CLVS2: variants seen among roughly 807,000 people sequenced by gnomAD.
The protein encoded by CLVS2 is clavesin-2.
CLVS2 carries 19 observed loss-of-function variants against 29.0 expected under a neutral mutation model. That is an observed-to-expected ratio of 0.66 (90% CI 0.46 to 0.96). CLVS2 has a LOEUF of 0.96. CLVS2 is among the 40% of genes least tolerant of loss of function. The probability of loss-of-function intolerance (pLI) is 0.00; values close to 1 mark genes in which losing one functional copy is unlikely to be tolerated. For missense variants in CLVS2, 294 were observed against 404.1 expected (o/e 0.73, Z 2.34); for synonymous variants, 161 against 151.3 (o/e 1.06, Z -0.47).
chr6:123,034,347 A>G (rs137979536), intron 3 of CLVS2, among the ~76,000 whole-genome samples: 1 of 152,196 alleles, frequency 6.6e-6, no homozygotes, highest in Non-Finnish European at 1.5e-5. Flanking sequence ...GCTGTAATAC[A>G]TTCATACCAT....
chr6:123,015,047 G>A (rs1424645067), intron 3 of CLVS2, among the ~76,000 whole-genome samples: 3 of 152,130 alleles, frequency 2.0e-5, no homozygotes, highest in East Asian at 1.9e-4. Flanking sequence ...TTTGCTAAGT[G>A]GACAAAAACA....
chr6:123,011,684 A>G (rs1774749910), intron 3 of CLVS2, among the ~76,000 whole-genome samples: 2 of 151,900 alleles, frequency 1.3e-5, no homozygotes, highest in South Asian at 4.2e-4. Flanking sequence ...CATGGAATTT[A>G]TATAGGAATA....
chr6:123,003,536 A>G (rs959609142), intron 2 of CLVS2, among the ~76,000 whole-genome samples: 1 of 152,194 alleles, frequency 6.6e-6, no homozygotes, highest in African/African-American at 2.4e-5. Context: ...TCGTTATGAT[A>G]CCATATGACA....
rs550437944 is a variant in CLVS2, at chr6:123,012,359, G to A, written c.564+1200G>A. On this transcript the variant is annotated intron_variant, in intron 3 of 5. Coordinates refer to ENST00000275162, the MANE Select transcript of CLVS2 (RefSeq NM_001010852.4). ...AACAAGATTGGTTACCACCCACTGT[G>A]TTACCTAACACAGAATGGTAACCTA... 2.0e-5 allele frequency among the ~76,000 whole-genome samples: 3 copies of A among 151,972 alleles called. No homozygotes were observed. In the South Asian group the frequency reaches 6.2e-4, roughly 32 times the overall value.
At chr6:123,039,939 A>G (rs1413803025) in intron 3 of CLVS2, among the ~76,000 whole-genome samples, 1 of 152,184 alleles carries the variant, frequency 6.6e-6, no homozygotes, top group African/African-American at 2.4e-5. Flanking sequence ...GGACTCAGAC[A>G]TTTCACTCCA....
intron 3 of CLVS2, among the ~76,000 whole-genome samples, chr6:123,028,825 T>C (rs760996929): frequency 3.3e-5 from 5 of 152,198 alleles, no homozygotes; most frequent in African/African-American, 4.8e-5. Flanking sequence ...TAAAATAGTG[T>C]ATTATTCACC....
chr6:123,021,221 G>A (rs1774915772), intron 3 of CLVS2, among the ~76,000 whole-genome samples: 1 of 151,718 alleles, frequency 6.6e-6, no homozygotes, highest in Admixed American at 6.6e-5. Flanking sequence ...TTTCTGATGA[G>A]AACTTTGAAA....
At chr6:123,005,861 T>C (rs1265732537) in intron 2 of CLVS2, among the ~76,000 whole-genome samples, 1 of 152,200 alleles carries the variant, frequency 6.6e-6, no homozygotes, top group African/African-American at 2.4e-5. Context: ...ATTTAAATGA[T>C]GCCATTATGG....
chr6:123,023,953 A>G (rs1487470043), intron 3 of CLVS2, among the ~76,000 whole-genome samples: 1 of 152,160 alleles, frequency 6.6e-6, no homozygotes, highest in Non-Finnish European at 1.5e-5. Context: ...TAAGGTTAAA[A>G]TCAGCCTTGG....
At position 123,063,682 on chromosome 6, in the gene CLVS2, C is replaced by T. The variant is rs771515105; in HGVS notation, c.905C>T (p.Ser302Leu). ...GGCTTTATCCTTTCCAGATCTCAAT[C>T]AGTAGTGGATCCTACAGTACTAAAA... The part of the protein sequence containing the change: ...LSPKSMKRSQ[S>L]VVDPTVLKRM... The change falls in exon 6 of 6, where the codon TCA becomes TTA. Residue 302 changes from serine to leucine, a missense_variant. Physicochemically the swap from Ser to Leu is moderately radical, Grantham distance 145. Transcript: ENST00000275162. The T allele has an allele frequency of 6.2e-7, 1 of 1,602,620 alleles. No individual in the cohort carries two copies. The highest frequency in any genetic ancestry group is 8.5e-7 in the Non-Finnish European group (1 of 1,171,350).
intron 2 of CLVS2, among the ~76,000 whole-genome samples, chr6:123,006,715 T>C (rs1774673905): frequency 6.6e-6 from 1 of 152,128 alleles, no homozygotes; most frequent in Non-Finnish European, 1.5e-5. Context: ...ATATGTCAGG[T>C]AGCAAGGAGT....
chr6:123,056,044 T>A lies in CLVS2; in HGVS notation c.896+18T>A. Reference sequence around the variant, plus strand: ...ATGAAGAGGTATGCTGGAGGTAGACTGGGGAGTGGGCTGGGCCAGGGCAGG... The same window carrying A: ...ATGAAGAGGTATGCTGGAGGTAGACAGGGGAGTGGGCTGGGCCAGGGCAGG... On this transcript the variant is annotated intron_variant, in intron 5 of 5. Coordinates refer to ENST00000275162, the MANE Select transcript of CLVS2 (RefSeq NM_001010852.4). 1 of 1,574,692 alleles carries A rather than the reference T, an allele frequency of 6.4e-7. No homozygotes were observed. Among genetic ancestry groups the A allele is most frequent in the Non-Finnish European group, 8.7e-7 (1 of 1,147,428 alleles).
intron 3 of CLVS2, among the ~76,000 whole-genome samples, chr6:123,047,252 C>T (rs1459756979): frequency 3.3e-5 from 5 of 151,910 alleles, no homozygotes; most frequent in Non-Finnish European, 7.4e-5. Flanking sequence ...ATACTATCTT[C>T]TTTTTATTTA....
In CLVS2 at chr6:123,072,043, T is replaced by G. The variant is rs541612772; in HGVS notation, c.*8282T>G. On this transcript the variant is annotated 3_prime_UTR_variant, in exon 6 of 6. Transcript: ENST00000275162. ...CTGACTTCTCCATAATTTTAGTAACTAAATGACCTAGATATTGGTTCTTGT... is the reference window on the plus strand; with the variant it reads ...CTGACTTCTCCATAATTTTAGTAACGAAATGACCTAGATATTGGTTCTTGT... The G allele has an allele frequency of 6.6e-6, 1 of 152,050 alleles. No homozygotes were observed. Among genetic ancestry groups the G allele is most frequent in the Non-Finnish European group, 1.5e-5 (1 of 67,940 alleles). 9.4% of individuals were successfully genotyped at this position (152,050 alleles called of 1,614,324 possible). A position where few individuals can be genotyped will look rare whatever the true frequency, so the allele number is the denominator to read the frequency against.
In CLVS2 at chr6:123,068,557, C is replaced by T. The variant is rs1772896073; in HGVS notation, c.*4796C>T. On this transcript the variant is annotated 3_prime_UTR_variant, in exon 6 of 6. Transcript: ENST00000275162. ...CTGTCTTGTTTCTAATCCAATTTTT[C>T]AATTTTTCAGATTTTATATTTGCTT... 6.6e-6 allele frequency: 1 copy of T among 151,574 alleles called. No homozygotes were observed. Among genetic ancestry groups the T allele is most frequent in the African/African-American group, 2.4e-5 (1 of 41,350 alleles). The allele number at this position is 151,574 out of a possible 1,614,324, so 9.4% of individuals were successfully genotyped here.
At chr6:123,060,732 T>G (rs1772763947) in intron 5 of CLVS2, among the ~76,000 whole-genome samples, 1 of 152,234 alleles carries the variant, frequency 6.6e-6, no homozygotes, top group South Asian at 2.1e-4. Flanking sequence ...CATCTGATAC[T>G]CATTATAACT....
At chr6:123,034,875 G>A (rs1224409807) in intron 3 of CLVS2, among the ~76,000 whole-genome samples, 1 of 151,950 alleles carries the variant, frequency 6.6e-6, no homozygotes, top group Admixed American at 6.6e-5. Context: ...CTTCCTGTGA[G>A]TCTATTATTA....
intron 5 of CLVS2, among the ~76,000 whole-genome samples, chr6:123,058,312 G>T (rs1435962310): frequency 6.6e-6 from 1 of 152,120 alleles, no homozygotes; most frequent in Non-Finnish European, 1.5e-5. Flanking sequence ...TGGCACAGAG[G>T]CCCTTTCTCA....
intron 4 of CLVS2, among the ~76,000 whole-genome samples, chr6:123,054,336 A>G (rs547222754): frequency 4.5e-4 from 68 of 152,222 alleles, no homozygotes; most frequent in African/African-American, 1.6e-3. Flanking sequence ...CAGGAGAGGG[A>G]AGGTGTAAAG....
Sources: allele counts gnomAD v4.1 joint callset (sites outside exome capture counted in the v4.1 genomes callset), GRCh38; gene constraint gnomAD v4.1.1; transcripts MANE v1.5; gene names NCBI Gene and HGNC (gene_info 2026-07-23, HGNC 2026-07-21).